The following SRPK2 variants were observed in gnomAD, a reference collection of about 807,000 sequenced individuals.
The protein encoded by SRPK2 is SFRS protein kinase 2.
Under a neutral mutation model 90.8 loss-of-function variants are expected in SRPK2, and 21 were observed. The ratio of observed to expected loss-of-function variants is 0.23; its 90% CI spans 0.16 to 0.33. The LOEUF is 0.33. SRPK2 is among the 10% of genes least tolerant of loss of function. The probability of loss-of-function intolerance (pLI) is 1.00; values close to 1 mark genes in which losing one functional copy is unlikely to be tolerated. For missense variants in SRPK2, 620 were observed against 869.0 expected (o/e 0.71, Z 3.60); for synonymous variants, 288 against 311.1 (o/e 0.93, Z 0.78).
At chr7:105,382,144 G>A (rs1821019716) in intron 2 of SRPK2, among the ~76,000 whole-genome samples, 1 of 144,748 alleles carries the variant, frequency 6.9e-6, no homozygotes, top group African/African-American at 2.6e-5. Context: ...CTCCAGCCTG[G>A]GCGACAGAGC....
rs142011644 is a variant in SRPK2 at position 105,120,329 on chromosome 7, G to C, written c.1916-2307C>G. On this transcript the variant is annotated intron_variant, in intron 15 of 15. Coordinates refer to ENST00000393651, the MANE Select transcript of SRPK2 (RefSeq NM_182692.3). The stretch of plus-strand genomic sequence containing the variant: ...TCTGAGGCGCCAGGTGTTAAACTAA[G>C]ATCCATCAACAAGGCATCTTTTAAG... 2.0e-3 allele frequency among the ~76,000 whole-genome samples: 307 copies of C among 152,290 alleles called. 1 individual carries two copies. The highest frequency in any genetic ancestry group is 7.1e-3 in the African/African-American group (295 of 41,568).
chr7:105,269,597 T>C (rs140799208), intron 2 of SRPK2, among the ~76,000 whole-genome samples: 106 of 152,278 alleles, frequency 7.0e-4, no homozygotes, highest in African/African-American at 2.5e-3. Flanking sequence ...AATAGACATC[T>C]ACAACAGGAA....
At chr7:105,382,552 CAAAAAAAAAAAAAAA>C (rs71152969) in intron 2 of SRPK2, among the ~76,000 whole-genome samples, 1 of 75,906 alleles carries the variant, frequency 1.3e-5, no homozygotes, top group African/African-American at 5.3e-5. Context: ...AACTCCATCT[CAAAAAAAAAAAAAAA>C]AAAAAAAAAA....
At chr7:105,193,140 C>T (rs1051272749) in intron 3 of SRPK2, among the ~76,000 whole-genome samples, 1 of 152,086 alleles carries the variant, frequency 6.6e-6, no homozygotes, top group Non-Finnish European at 1.5e-5. Context: ...AGGATTTTTC[C>T]GATGTTACCT....
At chr7:105,121,952 G>C (rs1307776743) in intron 15 of SRPK2, among the ~76,000 whole-genome samples, 5 of 152,168 alleles carry the variant, frequency 3.3e-5, no homozygotes, top group Admixed American at 6.5e-5. Context: ...ATGAACACTG[G>C]TAATTACAAA....
At position 105,142,279 on chromosome 7, in the gene SRPK2, T is replaced by G; in HGVS notation, c.1272A>C (p.Glu424Asp). 1 of 1,614,152 alleles carries G rather than the reference T, an allele frequency of 6.2e-7. No individual in the cohort carries two copies. The highest frequency in any genetic ancestry group is 8.5e-7 in the Non-Finnish European group (1 of 1,180,008). Residue 424 changes from glutamate to aspartate, a missense_variant, in exon 11 of 16, where the codon GAA (glutamate) becomes GAC (aspartate). Physicochemically the swap from Glu to Asp is conservative, Grantham distance 45. Around this residue, in one of 8 missense-constraint regions of SRPK2, gnomAD observed 243 missense variants for 245.7 expected, o/e 0.99. Transcript: ENST00000393651. ...CTGCATTTGGCTCATCAAGATTATA[T>G]TCCTCAGGATTTGGGCAGTCTTCTT... ...DDEEDCPNPE[E>D]YNLDEPNAES... is the part of the protein sequence containing the mutation.
intron 2 of SRPK2, among the ~76,000 whole-genome samples, chr7:105,236,920 T>C (rs1429398721): frequency 6.6e-6 from 1 of 152,248 alleles, no homozygotes; most frequent in East Asian, 1.9e-4. Flanking sequence ...CACTGTTTCA[T>C]GCAGTGCTGA....
At chr7:105,226,321 ACT>A (rs1798706944) in intron 2 of SRPK2, among the ~76,000 whole-genome samples, 1 of 151,968 alleles carries the variant, frequency 6.6e-6, no homozygotes, top group Non-Finnish European at 1.5e-5. Flanking sequence ...AGTCTCACTC[ACT>A]CTATCACCTA....
chr7:105,395,001 C>T (rs1223522551), intron 1 of SRPK2, among the ~76,000 whole-genome samples: 1 of 151,992 alleles, frequency 6.6e-6, no homozygotes, highest in African/African-American at 2.4e-5. Context: ...GGTGAAACCC[C>T]ATCTCTACTA....
Position 105,161,395 on chromosome 7 carries a change from TA to T in SRPK2, c.515-783del, listed in dbSNP as rs368549925. Reference sequence around the variant, plus strand: ...AATCTATGAATGGGGAACCAGCAGATAAAAAAGGGCTAAGTGTACTTACTCT... The same window carrying T: ...AATCTATGAATGGGGAACCAGCAGATAAAAAGGGCTAAGTGTACTTACTCT... On this transcript the variant is annotated intron_variant, in intron 6 of 15. Transcript: ENST00000393651. Among the ~76,000 whole-genome samples the T allele has an allele frequency of 3.1e-3, 470 of 152,306 alleles. 14 individuals carry two copies. In the East Asian group the frequency reaches 0.062, roughly 20 times the overall value.
intron 2 of SRPK2, among the ~76,000 whole-genome samples, chr7:105,355,107 T>A (rs1326292876): frequency 6.6e-6 from 1 of 152,234 alleles, no homozygotes; most frequent in Non-Finnish European, 1.5e-5. Flanking sequence ...AATATTCCAT[T>A]GTAAGGATAT....
intron 2 of SRPK2, among the ~76,000 whole-genome samples, chr7:105,275,593 C>T (rs17146101): frequency 0.063 from 9,522 of 152,204 alleles, 1,012 homozygotes; most frequent in African/African-American, 0.22. Context: ...CACCTGTCTA[C>T]GTTGTAACAC....
At chr7:105,368,568 A>G (rs1819337804) in intron 2 of SRPK2, among the ~76,000 whole-genome samples, 1 of 152,110 alleles carries the variant, frequency 6.6e-6, no homozygotes, top group Admixed American at 6.6e-5. Flanking sequence ...CTAAGGCACT[A>G]AAAAGATAAG....
rs775921281 is a variant in SRPK2 at position 105,268,791 on chromosome 7, G to A, written c.72-65006C>T. On this transcript the variant is annotated intron_variant, in intron 2 of 15. Transcript: ENST00000393651. ...GCTACACCATTAATTGTTCATGCAA[G>A]AGATGTAGCTGTACCTTTCTGAAGA... is the stretch of plus-strand genomic sequence containing the variant. 9 of 1,588,932 alleles carry A rather than the reference G, an allele frequency of 5.7e-6. No individual in the cohort carries two copies. The African/African-American group carries it at 8.0e-5, about 14-fold the overall frequency.
At position 105,235,897 on chromosome 7, in the gene SRPK2, GA is replaced by G. The variant is rs150162003; in HGVS notation, c.72-32113del. ...TGTTGCACAGCACTATTCTCCGGGG[GA>G]TAATTTCTTGGGGAAAGGGGAATTC... On this transcript the variant is annotated intron_variant, in intron 2 of 15. Transcript: ENST00000393651. 2.8e-3 allele frequency among the ~76,000 whole-genome samples: 427 copies of G among 152,296 alleles called. 11 individuals are homozygous for G. In the East Asian group the frequency reaches 0.055, roughly 20 times the overall value.
chr7:105,131,426 T>C (rs1440086636), intron 13 of SRPK2, among the ~76,000 whole-genome samples: 3 of 152,240 alleles, frequency 2.0e-5, no homozygotes, highest in Non-Finnish European at 4.4e-5. Context: ...CGTTCTTTTC[T>C]ATACCTAGCT....
intron 2 of SRPK2, among the ~76,000 whole-genome samples, chr7:105,294,364 C>T (rs1307288386): frequency 6.6e-6 from 1 of 152,098 alleles, no homozygotes; most frequent in Non-Finnish European, 1.5e-5. Context: ...AAAATTTTGT[C>T]GATCCAGTTC....
intron 15 of SRPK2, among the ~76,000 whole-genome samples, chr7:105,124,856 G>A (rs369968537): frequency 6.6e-6 from 1 of 151,992 alleles, no homozygotes; most frequent in Non-Finnish European, 1.5e-5. Flanking sequence ...AGCAGGCTGG[G>A]CGCAGTGGCT....
chr7:105,387,320 T>C (rs1586019940), intron 2 of SRPK2, among the ~76,000 whole-genome samples: 1 of 152,322 alleles, frequency 6.6e-6, no homozygotes, highest in African/African-American at 2.4e-5. Context: ...CTTCCATGGT[T>C]CACCAAAGGA....
Sources: gnomAD v4.1 joint callset for allele counts (sites outside exome capture counted in the v4.1 genomes callset) on GRCh38, gnomAD v4.1.1 for gene constraint, gnomAD v4.1.1 regional missense constraint, MANE v1.5 for transcripts, NCBI Gene and HGNC (gene_info 2026-07-23, HGNC 2026-07-21) for gene names.